The following DRC8 variants were observed in gnomAD, a reference collection of about 807,000 sequenced individuals.
DRC8 encodes dynein regulatory complex protein 8.
At chr1:244,977,809 A>G in the DRC8 span, among the ~76,000 whole-genome samples, 2,582 of 152,356 alleles carry the variant, frequency 0.017, 36 homozygotes, top group Non-Finnish European at 0.023. Context: ...AAAGTTATCT[A>G]TAAATTTGAA....
the DRC8 span, among the ~76,000 whole-genome samples, chr1:245,000,325 C>T: frequency 9.9e-5 from 15 of 152,194 alleles, no homozygotes; most frequent in Non-Finnish European, 1.2e-4. Flanking sequence ...TGCTCAACTG[C>T]GTGCAACTTA....
the DRC8 span, among the ~76,000 whole-genome samples, chr1:245,028,944 C>A: frequency 0.28 from 43,093 of 152,122 alleles, 6,377 homozygotes; most frequent in Middle Eastern, 0.36. Context: ...TGGTATGATT[C>A]CCATGGAGTG....
the DRC8 span, among the ~76,000 whole-genome samples, chr1:244,988,780 ATT>A: frequency 3.3e-5 from 5 of 152,242 alleles, no homozygotes; most frequent in Admixed American, 2.0e-4. Flanking sequence ...GTTACAAAAA[ATT>A]AGTAATGATA....
chr1:245,085,835 A>G, the DRC8 span, among the ~76,000 whole-genome samples: 134 of 152,326 alleles, frequency 8.8e-4, 1 homozygote, highest in East Asian at 0.022. Flanking sequence ...TGGGAATGGC[A>G]ATGGGAAGAA....
At chr1:245,118,382 C>A in the DRC8 span, among the ~76,000 whole-genome samples, 9 of 152,160 alleles carry the variant, frequency 5.9e-5, no homozygotes, top group African/African-American at 1.9e-4. Context: ...TGAAGGCCCT[C>A]GAAGTTTGCC....
chr1:245,045,582 A>G, the DRC8 span, among the ~76,000 whole-genome samples: 1 of 152,196 alleles, frequency 6.6e-6, no homozygotes, highest in African/African-American at 2.4e-5. Flanking sequence ...GTGCTAGCCC[A>G]CAGTCAGTCT....
the DRC8 span, among the ~76,000 whole-genome samples, chr1:245,088,349 C>T: frequency 6.3e-3 from 962 of 151,784 alleles, 6 homozygotes; most frequent in African/African-American, 0.022. This position sits in a 1 kb window ranked among gnomAD's most constrained non-coding sequence, Gnocchi z 4.6. Context: ...CACACACACA[C>T]GGGTCTCTAT....
the DRC8 span, chr1:245,083,485 G>A: frequency 1.2e-6 from 2 of 1,613,128 alleles, no homozygotes; most frequent in Non-Finnish European, 1.7e-6. Context: ...AGCTTTTGAG[G>A]TATGTAAACT....
At chr1:245,039,996 T>C in the DRC8 span, among the ~76,000 whole-genome samples, 1 of 152,330 alleles carries the variant, frequency 6.6e-6, no homozygotes, top group East Asian at 1.9e-4. Context: ...ATTTGGTAAA[T>C]ACCTTGGAGG....
At chr1:245,020,185 G>A in the DRC8 span, among the ~76,000 whole-genome samples, 1 of 152,252 alleles carries the variant, frequency 6.6e-6, no homozygotes, top group Admixed American at 6.5e-5. Flanking sequence ...TTTTGTGGTG[G>A]CTACTTTCCC....
At chr1:245,035,297 A>G in the DRC8 span, among the ~76,000 whole-genome samples, 1 of 152,078 alleles carries the variant, frequency 6.6e-6, no homozygotes, top group Non-Finnish European at 1.5e-5. Flanking sequence ...TTGGACTCCC[A>G]TTTCCCGATC....
chr1:245,006,062 T>G, the DRC8 span, among the ~76,000 whole-genome samples: 1 of 152,196 alleles, frequency 6.6e-6, no homozygotes, highest in Non-Finnish European at 1.5e-5. Context: ...TTGAGATAGG[T>G]AGGAGCCTAA....
chr1:244,995,717 C>A, the DRC8 span, among the ~76,000 whole-genome samples: 1 of 152,122 alleles, frequency 6.6e-6, no homozygotes, highest in East Asian at 1.9e-4. Context: ...TCCTGGAAAT[C>A]CCCTTATCTA....
At chr1:245,025,006 C>G in the DRC8 span, among the ~76,000 whole-genome samples, 2 of 151,974 alleles carry the variant, frequency 1.3e-5, no homozygotes, top group Admixed American at 1.3e-4. Flanking sequence ...ATGTGTCTGT[C>G]ATCTATCTTT....
At chr1:245,002,188 G>T in the DRC8 span, 1 of 1,610,474 alleles carries the variant, frequency 6.2e-7, no homozygotes, top group South Asian at 1.1e-5. Flanking sequence ...ATGGAAGGTG[G>T]AAGAAGAGAC....
At chr1:245,031,296 A>C in the DRC8 span, among the ~76,000 whole-genome samples, 1 of 151,992 alleles carries the variant, frequency 6.6e-6, no homozygotes, top group Non-Finnish European at 1.5e-5. Context: ...GCACATAGCT[A>C]TACTGTAATT....
chr1:245,109,504 G>T, the DRC8 span, among the ~76,000 whole-genome samples: 1 of 152,160 alleles, frequency 6.6e-6, no homozygotes, highest in Non-Finnish European at 1.5e-5. Flanking sequence ...GCACCCTCAT[G>T]CCGGTACGCC....
chr1:245,059,691 C>A, the DRC8 span, among the ~76,000 whole-genome samples: 1 of 152,038 alleles, frequency 6.6e-6, no homozygotes, highest in Non-Finnish European at 1.5e-5. Flanking sequence ...AATAAAGAAC[C>A]CACTGTAGAA....
At chr1:244,998,313 A>G in the DRC8 span, among the ~76,000 whole-genome samples, 2 of 152,150 alleles carry the variant, frequency 1.3e-5, no homozygotes, top group African/African-American at 4.8e-5. Context: ...GGCTCAAGCA[A>G]TCATCCCACC....
Sources: gnomAD v4.1 joint callset for allele counts (sites outside exome capture counted in the v4.1 genomes callset) on GRCh38, gnomAD v4.1.1 for gene constraint, Gnocchi (gnomAD v3.1) non-coding constraint, MANE v1.5 for transcripts, NCBI Gene and HGNC (gene_info 2026-07-23, HGNC 2026-07-21) for gene names.